LPP: variants seen among roughly 807,000 people sequenced by gnomAD.
The protein encoded by LPP is lipoma-preferred partner.
Under a neutral mutation model 60.4 loss-of-function variants are expected in LPP, and 38 were observed. The ratio of observed to expected loss-of-function variants is 0.63; its 90% confidence interval spans 0.49 to 0.83. The LOEUF is 0.83. Ranked by LOEUF, LPP falls within the 40% of genes least tolerant of loss-of-function variation. The pLI, the probability that LPP is intolerant of heterozygous loss-of-function variation, is 0.00. For synonymous variants in LPP, 328 were observed against 290.8 expected (o/e 1.13, Z -1.30); for missense variants, 902 against 783.6 (o/e 1.15, Z -1.80).
At chr3:188,457,665 A>G (rs9851906) in intron 4 of LPP, among the ~76,000 whole-genome samples, 134,258 of 150,862 alleles carry the variant, frequency 0.89, 60,828 homozygotes, top group East Asian at 0.99. Flanking sequence ...GGCCAAGGGG[A>G]GCAGATCACG....
At chr3:188,765,698 C>T (rs1338479214) in intron 9 of LPP, among the ~76,000 whole-genome samples, 2 of 146,198 alleles carry the variant, frequency 1.4e-5, no homozygotes, top group African/African-American at 2.5e-5. Flanking sequence ...TGCTAACATT[C>T]AGCAACTAAT....
chr3:188,373,529 C>A (rs1262912849), intron 3 of LPP, among the ~76,000 whole-genome samples: 3 of 152,024 alleles, frequency 2.0e-5, no homozygotes, highest in Non-Finnish European at 4.4e-5. Context: ...CTGTTCATGT[C>A]CTTCTCCCAC....
intron 2 of LPP, among the ~76,000 whole-genome samples, chr3:188,256,873 G>A (rs955794182): frequency 4.6e-5 from 7 of 152,294 alleles, no homozygotes; most frequent in Middle Eastern, 3.4e-3. Flanking sequence ...ACATGCATAC[G>A]TGTGGGTGTT....
In LPP at chr3:188,378,407, C is replaced by T. The variant is rs570988401; in HGVS notation, c.-9-27705C>T. ...TTACCTAATCAAACAACTAACTGGG[C>T]AATGGCAGGCGCCCCTCCCCCAGCC... On this transcript the variant is annotated intron_variant, in intron 3 of 11. Transcript: ENST00000617246. Among the ~76,000 whole-genome samples the T allele has an allele frequency of 2.0e-5, 3 of 152,308 alleles. No homozygotes were observed. The South Asian group carries it at 6.2e-4, about 32-fold the overall frequency.
At chr3:188,759,464 G>A (rs1209009830) in intron 8 of LPP, 1 of 152,400 alleles carries the variant, frequency 6.6e-6, no homozygotes, top group African/African-American at 2.4e-5. Flanking sequence ...GTCCAAGAGA[G>A]AGATAAGGTC....
At chr3:188,329,834 G>A (rs775008592) in intron 2 of LPP, among the ~76,000 whole-genome samples, 1 of 152,050 alleles carries the variant, frequency 6.6e-6, no homozygotes, top group Non-Finnish European at 1.5e-5. Context: ...CTAGCTTTGT[G>A]GGGAAGGAAG....
At chr3:188,207,068 T>C (rs1165861876) in intron 1 of LPP, among the ~76,000 whole-genome samples, 2 of 152,064 alleles carry the variant, frequency 1.3e-5, no homozygotes, top group East Asian at 1.9e-4. Flanking sequence ...GCTTTTATTA[T>C]TTATTTATTT....
At chr3:188,582,221 C>T (rs563779247) in intron 6 of LPP, among the ~76,000 whole-genome samples, 1 of 142,576 alleles carries the variant, frequency 7.0e-6, no homozygotes, top group East Asian at 2.0e-4. Context: ...AGTGCAGTGG[C>T]GCAATTTCAG....
At chr3:188,363,778 T>G (rs1044443866) in intron 3 of LPP, among the ~76,000 whole-genome samples, 5 of 151,610 alleles carry the variant, frequency 3.3e-5, no homozygotes, top group Non-Finnish European at 7.4e-5. Flanking sequence ...GATGGCGGGC[T>G]CCTGTAATCC....
chr3:188,629,662 A>G (rs778481082), intron 7 of LPP, among the ~76,000 whole-genome samples: 4 of 152,156 alleles, frequency 2.6e-5, no homozygotes, highest in Admixed American at 6.5e-5. Context: ...GGCCGAAGCA[A>G]TTTATAGATT....
chr3:188,577,443 A>G (rs1834877386), intron 6 of LPP, among the ~76,000 whole-genome samples: 2 of 151,934 alleles, frequency 1.3e-5, no homozygotes. Context: ...CTAACCAGTT[A>G]TTTCTGGGAT....
At chr3:188,527,427 C>T (rs1820952124) in intron 6 of LPP, among the ~76,000 whole-genome samples, 2 of 151,170 alleles carry the variant, frequency 1.3e-5, no homozygotes, top group African/African-American at 4.9e-5. Context: ...GTTTAAATGC[C>T]AGATTATGAT....
intron 8 of LPP, among the ~76,000 whole-genome samples, chr3:188,755,745 G>A (rs1275945055): frequency 1.4e-5 from 2 of 143,640 alleles, no homozygotes; most frequent in South Asian, 2.2e-4. Flanking sequence ...AGGAGTTCAA[G>A]GGTGTAGTGA....
chr3:188,432,990 C>T (rs1791321725), intron 4 of LPP, among the ~76,000 whole-genome samples: 1 of 152,092 alleles, frequency 6.6e-6, no homozygotes, highest in Non-Finnish European at 1.5e-5. Flanking sequence ...AAGGGATGAC[C>T]TTTGCTTTGG....
At chr3:188,543,478 G>C (rs1372225072) in intron 6 of LPP, among the ~76,000 whole-genome samples, 1 of 152,168 alleles carries the variant, frequency 6.6e-6, no homozygotes, top group Non-Finnish European at 1.5e-5. Context: ...ACTTGTATCT[G>C]AAGGTTCAAC....
At chr3:188,374,971 G>C (rs1434718136) in intron 3 of LPP, among the ~76,000 whole-genome samples, 8 of 151,440 alleles carry the variant, frequency 5.3e-5, no homozygotes, top group Admixed American at 5.3e-4. Flanking sequence ...TAATCATGTG[G>C]TTTTTGTCTT....
chr3:188,162,181 A>G (rs1417408314), intron 1 of LPP, among the ~76,000 whole-genome samples: 2 of 152,200 alleles, frequency 1.3e-5, no homozygotes, highest in East Asian at 3.8e-4. Context: ...TAGCAAATAC[A>G]TTTTATAATC....
In LPP at chr3:188,358,297, C is replaced by T. The variant is rs192901840; in HGVS notation, c.-10+16578C>T. On this transcript the variant is annotated intron_variant, in intron 3 of 11. Transcript: ENST00000617246. ...GCTTCAGCAGCTTCTCTCTTAACTA[C>T]GAAGCTATATTGTTTCCACATGGTG... Among the ~76,000 whole-genome samples the T allele has an allele frequency of 1.4e-4, 22 of 152,286 alleles. 1 individual carries two copies. Among genetic ancestry groups the T allele is most frequent in the South Asian group, 4.1e-4 (2 of 4,830 alleles).
At chr3:188,452,240 C>A (rs1796757895) in intron 4 of LPP, among the ~76,000 whole-genome samples, 5 of 152,178 alleles carry the variant, frequency 3.3e-5, no homozygotes, top group Non-Finnish European at 7.3e-5. Context: ...ATGAATATCC[C>A]TCCGTATCCT....
Sources: gnomAD v4.1 joint callset for allele counts (sites outside exome capture counted in the v4.1 genomes callset) on GRCh38, gnomAD v4.1.1 for gene constraint, MANE v1.5 for transcripts, NCBI Gene and HGNC (gene_info 2026-07-23, HGNC 2026-07-21) for gene names.